LIMS2: variants seen among roughly 807,000 people sequenced by gnomAD.
LIMS2 encodes LIM zinc finger domain containing 2, also known as LIM and senescent cell antigen-like-containing domain protein 2.
In LIMS2, 30 loss-of-function variants were observed where a neutral mutation model predicts 45.3. The observed-to-expected ratio is 0.66, with a 90% CI of 0.50 to 0.90. LIMS2 has a LOEUF of 0.90. Ranked by LOEUF, LIMS2 falls within the 40% of genes least tolerant of loss-of-function variation. The pLI, the probability that LIMS2 is intolerant of heterozygous loss-of-function variation, is 0.00. For missense variants in LIMS2, 485 were observed against 468.7 expected (o/e 1.03, Z -0.32); for synonymous variants, 173 against 188.0 (o/e 0.92, Z 0.65).
rs1393384296 is a variant in LIMS2, at chr2:127,653,044, TCCCTCGGCCCCTGCACTGCACCGTCTGC to T, written c.359+1352_359+1379del. On this transcript the variant is annotated intron_variant, in intron 4 of 9. Transcript: ENST00000355119. The surrounding 1 kb of genome is among the most constrained non-coding windows in gnomAD (Gnocchi z 5.3). ...TGGTCAGCACGAGCTCCTGGTGCTGTCCCTCGGCCCCTGCACTGCACCGTCTGCCCCTCAGCCCTTCATTTAGACAAGC... is the reference window on the plus strand; with the variant it reads ...TGGTCAGCACGAGCTCCTGGTGCTGTCCCTCAGCCCTTCATTTAGACAAGC... Among the ~76,000 whole-genome samples the T allele has an allele frequency of 1.1e-4, 17 of 152,300 alleles. No homozygotes were observed. The highest frequency in any genetic ancestry group is 3.8e-4 in the African/African-American group (16 of 41,562).
chr2:127,645,110 A>G (rs77438370), intron 4 of LIMS2, among the ~76,000 whole-genome samples: 1,952 of 152,276 alleles, frequency 0.013, 45 homozygotes, highest in African/African-American at 0.045. Context: ...CTGGAGTGAC[A>G]TGTGCTTGGG....
At chr2:127,680,864 T>C (rs1293594363) in intron 1 of LIMS2, among the ~76,000 whole-genome samples, 1 of 152,112 alleles carries the variant, frequency 6.6e-6, no homozygotes, top group Non-Finnish European at 1.5e-5. Flanking sequence ...TATCCAGGAA[T>C]GCCACATTTT....
chr2:127,654,805 G>A, intron 3 of LIMS2, 25 bp downstream of exon 3: 4 of 1,612,930 alleles, frequency 2.5e-6, no homozygotes, highest in Non-Finnish European at 3.4e-6. Context: ...AGGCAGCCCA[G>A]GATGTGTACT....
intron 4 of LIMS2, among the ~76,000 whole-genome samples, chr2:127,648,775 GC>G (rs1182039833): frequency 6.6e-6 from 1 of 151,724 alleles, no homozygotes; most frequent in Non-Finnish European, 1.5e-5. Context: ...ACAAAAATTA[GC>G]CGGGTGTGGT....
intron 2 of LIMS2, 153 bp from the exon 3 acceptor site, chr2:127,655,049 GC>G: frequency 1.3e-6 from 1 of 741,162 alleles, no homozygotes; most frequent in Non-Finnish European, 2.4e-6. Flanking sequence ...CCCAGGCCTG[GC>G]CAGAGAGGAC....
intron 1 of LIMS2, among the ~76,000 whole-genome samples, chr2:127,657,992 G>T (rs1023823376): frequency 6.6e-6 from 1 of 152,240 alleles, no homozygotes; most frequent in African/African-American, 2.4e-5. Context: ...CTTGAATCCA[G>T]ACTGCTCAGT....
chr2:127,669,687 C>T (rs1237855729), intron 1 of LIMS2, among the ~76,000 whole-genome samples: 1 of 151,778 alleles, frequency 6.6e-6, no homozygotes, highest in Non-Finnish European at 1.5e-5. Flanking sequence ...TACTGCACTC[C>T]AGCCTGGGCG....
upstream of LIMS2, among the ~76,000 whole-genome samples, chr2:127,677,436 C>T (rs1277266846): frequency 2.0e-5 from 3 of 152,100 alleles, no homozygotes; most frequent in African/African-American, 7.2e-5. This position sits in a 1 kb window ranked among gnomAD's most constrained non-coding sequence, Gnocchi z 5.0. Flanking sequence ...AGTTTCTGAG[C>T]AGGTGACATT....
rs1177707058 is a variant in LIMS2 at position 127,639,160 on chromosome 2, A to T, written c.*121T>A. The T allele has an allele frequency of 2.0e-6, 2 of 1,025,602 alleles. No homozygotes were observed. Among genetic ancestry groups the T allele is most frequent in the Non-Finnish European group, 2.9e-6 (2 of 698,014 alleles). The allele number at this position is 1,025,602 out of a possible 1,614,324, so 63.5% of individuals were successfully genotyped here. On this transcript the variant is annotated 3_prime_UTR_variant, in exon 10 of 10. Transcript: ENST00000355119. Reference sequence around the variant, plus strand: ...GGGAACAGGAAGGGAGAAGGCAATGAGGAAAGAGAAAGGGAGGGTAAGATG... The same window carrying T: ...GGGAACAGGAAGGGAGAAGGCAATGTGGAAAGAGAAAGGGAGGGTAAGATG...
In LIMS2 at chr2:127,640,330, G is replaced by C; in HGVS notation, c.754-12C>G. 1 of 1,612,186 alleles carries C rather than the reference G, an allele frequency of 6.2e-7. No individual in the cohort carries two copies. Among genetic ancestry groups the C allele is most frequent in the Non-Finnish European group, 8.5e-7 (1 of 1,179,776 alleles). Reference sequence around the variant, plus strand: ...ACGTCCCCGAAGAGCTGTGGGCCGAGCAGGCTGTCAGAGTAGCTGCAGGCA... The same window carrying C: ...ACGTCCCCGAAGAGCTGTGGGCCGACCAGGCTGTCAGAGTAGCTGCAGGCA... On this transcript the variant is annotated splice_polypyrimidine_tract_variant and intron_variant, in intron 7 of 9. Coordinates refer to ENST00000355119, the MANE Select transcript of LIMS2 (RefSeq NM_001161403.3).
At chr2:127,673,432 C>T (rs1322792449) in intron 1 of LIMS2, among the ~76,000 whole-genome samples, 1 of 152,180 alleles carries the variant, frequency 6.6e-6, no homozygotes, top group Non-Finnish European at 1.5e-5. Context: ...GTTTCTCAGG[C>T]CCTTGGAGCC....
chr2:127,650,916 A>T, intron 4 of LIMS2: 1 of 1,614,022 alleles, frequency 6.2e-7, no homozygotes, highest in Non-Finnish European at 8.5e-7. Flanking sequence ...CCGAGACCAC[A>T]AGTCCGGGAC....
chr2:127,675,157 C>T lies in LIMS2; in HGVS notation c.-133G>A. ...GAGACGCCCAAAAAAGGCCAAGAGC[C>T]GCTCCGCCCGCGAGAGGGGTGGGCG... On this transcript the variant is annotated 5_prime_UTR_variant, in exon 1 of 10. Transcript: ENST00000355119. The T allele has an allele frequency of 1.5e-6, 1 of 672,716 alleles. No homozygotes were observed. 41.7% of individuals were successfully genotyped at this position (672,716 alleles called of 1,614,324 possible).
upstream of LIMS2, among the ~76,000 whole-genome samples, chr2:127,679,450 A>AG (rs1194070838): frequency 7.9e-6 from 1 of 125,956 alleles, no homozygotes; most frequent in Non-Finnish European, 1.6e-5. The surrounding 1 kb of genome is among the most constrained non-coding windows in gnomAD (Gnocchi z 5.3). Context: ...GCTGGGGGAC[A>AG]GTGGGGCTCT....
chr2:127,649,078 G>GAAAAGAAA (rs201484540), intron 4 of LIMS2, among the ~76,000 whole-genome samples: 19,669 of 107,826 alleles, frequency 0.18, 1,875 homozygotes, highest in South Asian at 0.26. Flanking sequence ...GAAGGAAAAA[G>GAAAAGAAA]AAAAGAAAAA....
At chr2:127,660,917 ATAGG>A (rs1684599554) in intron 1 of LIMS2, among the ~76,000 whole-genome samples, 2 of 108,260 alleles carry the variant, frequency 1.8e-5, no homozygotes, top group South Asian at 6.9e-4. Flanking sequence ...AAAGCGTGGC[ATAGG>A]TGGGGGTGGG....
chr2:127,640,273 C>A lies in LIMS2; in HGVS notation c.799G>T (p.Asp267Tyr). The change falls in exon 8 of 10, where the codon GAT becomes TAT. Residue 267 changes from aspartate to tyrosine, a missense_variant. By Grantham distance (160) the Asp-to-Tyr change is radical. Transcript: ENST00000355119. Reference protein sequence around the residue: ...CYNCSHVIEGDVVSALNKAWC... With the variant: ...CYNCSHVIEGYVVSALNKAWC... Reference sequence around the variant, plus strand: ...GGGAGGGAACACAGGGCCTCACCATCGCCTTCAATCACATGGCTGCAGTTG... The same window carrying A: ...GGGAGGGAACACAGGGCCTCACCATAGCCTTCAATCACATGGCTGCAGTTG... 1 of 1,613,366 alleles carries A rather than the reference C, an allele frequency of 6.2e-7. No individual in the cohort carries two copies. The highest frequency in any genetic ancestry group is 8.5e-7 in the Non-Finnish European group (1 of 1,179,980).
chr2:127,670,363 A>C (rs1161119534), intron 1 of LIMS2, among the ~76,000 whole-genome samples: 1 of 152,254 alleles, frequency 6.6e-6, no homozygotes, highest in Non-Finnish European at 1.5e-5. Context: ...TAATAAATGA[A>C]AGAAGCCAGG....
chr2:127,649,078 GAAAAGAAA>G (rs201484540), intron 4 of LIMS2, among the ~76,000 whole-genome samples: 2 of 110,326 alleles, frequency 1.8e-5, no homozygotes, highest in African/African-American at 6.4e-5. Context: ...GAAGGAAAAA[GAAAAGAAA>G]AAAAGAAAAA....
Sources: allele counts gnomAD v4.1 joint callset (sites outside exome capture counted in the v4.1 genomes callset), GRCh38; gene constraint gnomAD v4.1.1; non-coding constraint Gnocchi (gnomAD v3.1); transcripts MANE v1.5; gene names NCBI Gene and HGNC (gene_info 2026-07-23, HGNC 2026-07-21).